Variants in STXBP5L observed in about 807,000 individuals in gnomAD.
The protein encoded by STXBP5L is syntaxin binding protein 5L.
In STXBP5L, 65 loss-of-function variants were observed where a neutral mutation model predicts 144.5. The observed-to-expected ratio is 0.45, with a 90% CI of 0.37 to 0.55. The LOEUF is 0.55. Among genes scored for constraint, STXBP5L ranks in the 20% least tolerant of loss-of-function variants. STXBP5L has a pLI of 0.00. For missense variants in STXBP5L, 1,298 were observed against 1,405.5 expected (o/e 0.92, Z 1.22); for synonymous variants, 505 against 469.6 (o/e 1.08, Z -0.97).
chr3:121,305,106 A>G (rs563146845), intron 19 of STXBP5L, among the ~76,000 whole-genome samples: 117 of 152,240 alleles, frequency 7.7e-4, no homozygotes, highest in African/African-American at 2.7e-3. Flanking sequence ...AACTCACCAA[A>G]TGTAACACCA....
intron 20 of STXBP5L, among the ~76,000 whole-genome samples, chr3:121,365,377 C>T (rs1422939316): frequency 1.3e-5 from 2 of 150,574 alleles, no homozygotes; most frequent in African/African-American, 2.4e-5. Flanking sequence ...CGAGTGAAGC[C>T]AACAGGTTCA....
At chr3:121,310,380 G>T (rs1333900481) in intron 19 of STXBP5L, among the ~76,000 whole-genome samples, 2 of 152,070 alleles carry the variant, frequency 1.3e-5, no homozygotes, top group African/African-American at 4.8e-5. Flanking sequence ...GGAGGCCGAG[G>T]CGGGTGGATC....
intron 3 of STXBP5L, among the ~76,000 whole-genome samples, chr3:120,973,827 AATG>A (rs1399552665): frequency 1.3e-4 from 20 of 152,186 alleles, no homozygotes; most frequent in Non-Finnish European, 1.3e-4. Flanking sequence ...GTTTACTGAG[AATG>A]ATGATTTCCA....
In STXBP5L at chr3:121,155,354, T is replaced by G. The variant is rs541256214; in HGVS notation, c.754-2150T>G. On this transcript the variant is annotated intron_variant, in intron 8 of 26. Transcript: ENST00000471454. Reference sequence around the variant, plus strand: ...TCATCATGAACTGCCTTCTTTCCTCTTCTGTATATCAAAATTCTGTTAGGT... The same window carrying G: ...TCATCATGAACTGCCTTCTTTCCTCGTCTGTATATCAAAATTCTGTTAGGT... Among the ~76,000 whole-genome samples the G allele has an allele frequency of 1.4e-4, 22 of 151,988 alleles. No homozygotes were observed. The South Asian group carries it at 4.6e-3, about 32-fold the overall frequency.
chr3:121,153,211 T>A (rs2107988855), intron 8 of STXBP5L, among the ~76,000 whole-genome samples: 1 of 152,184 alleles, frequency 6.6e-6, no homozygotes, highest in East Asian at 1.9e-4. Context: ...ATCTCCCAGT[T>A]GACACTTCAG....
chr3:120,984,305 G>A lies in STXBP5L; in HGVS notation c.287+29268G>A, dbSNP rs72966775. Among the ~76,000 whole-genome samples the A allele has an allele frequency of 2.5e-3, 378 of 152,182 alleles. 2 individuals carry two copies. Among genetic ancestry groups the A allele is most frequent in the African/African-American group, 8.6e-3 (355 of 41,518 alleles). ...AATGGCTTCTCTTGATTTTATGGAC[G>A]CAGATATTTTCTCCACTTCTCCTCC... On this transcript the variant is annotated intron_variant, in intron 3 of 26. Coordinates refer to ENST00000471454, the MANE Select transcript of STXBP5L (RefSeq NM_001308330.2).
chr3:121,275,034 T>G (rs2050840022), intron 18 of STXBP5L, among the ~76,000 whole-genome samples: 1 of 152,198 alleles, frequency 6.6e-6, no homozygotes. Context: ...TTCTTAGCAC[T>G]TTTGTCAAAT....
At chr3:121,399,377 C>T (rs1311288608) in intron 22 of STXBP5L, among the ~76,000 whole-genome samples, 1 of 152,126 alleles carries the variant, frequency 6.6e-6, no homozygotes, top group Non-Finnish European at 1.5e-5. Context: ...TTGCTGAGAC[C>T]AGCTCGGTTG....
chr3:121,068,219 A>T (rs1271478780), intron 5 of STXBP5L, among the ~76,000 whole-genome samples: 4 of 152,294 alleles, frequency 2.6e-5, no homozygotes, highest in South Asian at 4.1e-4. Context: ...CATGTTGGCC[A>T]TGATGGTCTC....
At chr3:121,014,854 A>G (rs925374848) in intron 3 of STXBP5L, among the ~76,000 whole-genome samples, 1 of 152,082 alleles carries the variant, frequency 6.6e-6, no homozygotes, top group Non-Finnish European at 1.5e-5. Flanking sequence ...CAAATATTTA[A>G]TAATTATATT....
At chr3:121,166,958 T>G (rs892298798) in intron 9 of STXBP5L, among the ~76,000 whole-genome samples, 1 of 146,394 alleles carries the variant, frequency 6.8e-6, no homozygotes, top group African/African-American at 2.5e-5. Flanking sequence ...AAGTAAATTT[T>G]CCTTAATTCT....
intron 20 of STXBP5L, among the ~76,000 whole-genome samples, chr3:121,353,215 T>C (rs2045369507): frequency 1.3e-5 from 2 of 152,320 alleles, no homozygotes; most frequent in South Asian, 4.1e-4. Flanking sequence ...TTTGGGAGGA[T>C]CCCCTCTTTT....
chr3:121,270,091 G>C (rs1433344746), intron 18 of STXBP5L, among the ~76,000 whole-genome samples: 1 of 152,138 alleles, frequency 6.6e-6, no homozygotes, highest in Non-Finnish European at 1.5e-5. Context: ...CTTTGGATAT[G>C]TTGTGATATT....
At chr3:121,096,047 C>T (rs1324476155) in intron 5 of STXBP5L, among the ~76,000 whole-genome samples, 4 of 152,110 alleles carry the variant, frequency 2.6e-5, no homozygotes, top group African/African-American at 7.2e-5. Flanking sequence ...CTTGTGCTTC[C>T]TGGGTGAGGC....
chr3:121,419,323 G>T lies in STXBP5L; in HGVS notation c.*226G>T, dbSNP rs1051671256. On this transcript the variant is annotated 3_prime_UTR_variant, in exon 27 of 27. Transcript: ENST00000471454. ...CGGCTGAATTTGCCTTTTCCCATGTGGAATGGAGCTATCATCTTGGCATGT... is the reference window on the plus strand; with the variant it reads ...CGGCTGAATTTGCCTTTTCCCATGTTGAATGGAGCTATCATCTTGGCATGT... 6.9e-6 allele frequency: 3 copies of T among 435,172 alleles called. No homozygotes were observed. Among genetic ancestry groups the T allele is most frequent in the Admixed American group, 4.2e-5 (1 of 23,664 alleles). The allele number at this position is 435,172 out of a possible 1,614,324, so 27.0% of individuals were successfully genotyped here.
rs185756616 is a variant in STXBP5L at position 121,424,454 on chromosome 3, C to T, written c.*5357C>T. The T allele has an allele frequency of 3.9e-5, 6 of 152,308 alleles. No homozygotes were observed. In the East Asian group the frequency reaches 1.2e-3, roughly 29 times the overall value. 9.4% of individuals were successfully genotyped at this position (152,308 alleles called of 1,614,324 possible). On this transcript the variant is annotated 3_prime_UTR_variant, in exon 27 of 27. Transcript: ENST00000471454. ...TGCCTTTCATACTGCTTTCCCTCTG[C>T]TGTTGGCCCACCCTTCTTGACTGCA...
chr3:121,322,152 C>T (rs1162693421), intron 20 of STXBP5L, among the ~76,000 whole-genome samples: 1 of 152,182 alleles, frequency 6.6e-6, no homozygotes, highest in Non-Finnish European at 1.5e-5. Flanking sequence ...AGGGTAATGA[C>T]TTCCATCCAG....
intron 3 of STXBP5L, among the ~76,000 whole-genome samples, chr3:120,968,557 C>A (rs2107781714): frequency 6.6e-6 from 1 of 152,194 alleles, no homozygotes; most frequent in Non-Finnish European, 1.5e-5. Flanking sequence ...CATTCAGCCA[C>A]CCTGCATTTT....
At position 121,100,653 on chromosome 3, in the gene STXBP5L, CAAAT is replaced by C. The variant is rs1267669752; in HGVS notation, c.471-14271_471-14268del. On this transcript the variant is annotated intron_variant, in intron 5 of 26. Transcript: ENST00000471454. The stretch of plus-strand genomic sequence containing the variant: ...CTGTCTCAAAAAGTCATAAAGATCT[CAAAT>C]TAATGATCTAACATCAAATCTAGAG... Among the ~76,000 whole-genome samples the C allele has an allele frequency of 3.3e-5, 5 of 152,084 alleles. No individual in the cohort carries two copies. The East Asian group carries it at 7.7e-4, about 23-fold the overall frequency.
Sources: allele counts gnomAD v4.1 joint callset (sites outside exome capture counted in the v4.1 genomes callset), GRCh38; gene constraint gnomAD v4.1.1; transcripts MANE v1.5; gene names NCBI Gene and HGNC (gene_info 2026-07-23, HGNC 2026-07-21).